Variants in SLC6A2 observed in about 807,000 individuals in gnomAD.
SLC6A2 encodes the protein sodium-dependent noradrenaline transporter.
SLC6A2 carries 26 observed loss-of-function variants against 71.7 expected under a neutral mutation model. The observed-to-expected ratio is 0.36, with a 90% CI of 0.27 to 0.50. The LOEUF is 0.50. Ranked by LOEUF, SLC6A2 falls within the 20% of genes least tolerant of loss-of-function variation. The pLI is 0.96. For missense variants in SLC6A2, 581 were observed against 803.9 expected, an observed-to-expected ratio of 0.72 and a Z score of 3.35; for synonymous variants, 363 against 337.9, an observed-to-expected ratio of 1.07 and a Z score of -0.82.
intron 2 of SLC6A2, among the ~76,000 whole-genome samples, chr16:55,662,052 G>C (rs1326283126): frequency 2.0e-5 from 3 of 152,186 alleles, no homozygotes; most frequent in African/African-American, 7.2e-5. Context: ...CCAGCCAGCT[G>C]GTGTGGCACT....
At chr16:55,664,448 G>T (rs137884073) in intron 2 of SLC6A2, among the ~76,000 whole-genome samples, 1 of 152,174 alleles carries the variant, frequency 6.6e-6, no homozygotes, top group Non-Finnish European at 1.5e-5. Flanking sequence ...GAGCACTGCC[G>T]CAGAGTCCTG....
chr16:55,702,316 T>C lies in SLC6A2; in HGVS notation c.1831-7T>C. 6.2e-7 allele frequency: 1 copy of C among 1,614,170 alleles called. No homozygotes were observed. Among genetic ancestry groups the C allele is most frequent in the Non-Finnish European group, 8.5e-7 (1 of 1,179,996 alleles). The stretch of plus-strand genomic sequence containing the variant: ...TGTCATCAAGTCCTCGCTGTCTTTC[T>C]CTGCAGTTGCAACACTGGCTGGCCA... On this transcript the variant is annotated splice_region_variant and splice_polypyrimidine_tract_variant and intron_variant, in intron 14 of 14. Transcript: ENST00000568943.
rs749260706 is a variant in SLC6A2 at position 55,656,606 on chromosome 16, C to G, written c.-51-38C>G. The G allele has an allele frequency of 6.4e-7, 1 of 1,557,324 alleles. No homozygotes were observed. The highest frequency in any genetic ancestry group is 2.2e-5 in the East Asian group (1 of 44,596). On this transcript the variant is annotated intron_variant, in intron 1 of 14. Coordinates refer to ENST00000568943, the MANE Select transcript of SLC6A2 (RefSeq NM_001172501.3). This position sits in a 1 kb window ranked among gnomAD's most constrained non-coding sequence, Gnocchi z 4.5. Reference sequence around the variant, plus strand: ...CTTGGGAGTTGCAAGTAGGGAGGAACGGCCGGGTAACCACCTCTTTTCCCT... The same window carrying G: ...CTTGGGAGTTGCAAGTAGGGAGGAAGGGCCGGGTAACCACCTCTTTTCCCT...
intron 4 of SLC6A2, among the ~76,000 whole-genome samples, chr16:55,677,889 G>A (rs1328690230): frequency 4.6e-5 from 7 of 152,068 alleles, no homozygotes; most frequent in Admixed American, 2.0e-4. Flanking sequence ...TTGAACTCCT[G>A]GGCTCAGGTG....
intron 2 of SLC6A2, among the ~76,000 whole-genome samples, chr16:55,658,608 A>G (rs1467537227): frequency 2.0e-5 from 3 of 152,128 alleles, no homozygotes; most frequent in Admixed American, 6.5e-5. Context: ...TTCCAACGAG[A>G]AAGTTAACCC....
intron 2 of SLC6A2, among the ~76,000 whole-genome samples, chr16:55,665,359 C>G (rs574197102): frequency 2.0e-5 from 3 of 152,034 alleles, no homozygotes; most frequent in Non-Finnish European, 4.4e-5. Flanking sequence ...GTTAGGGCAC[C>G]CTTGGGGTGT....
intron 4 of SLC6A2, among the ~76,000 whole-genome samples, chr16:55,674,011 T>C (rs2142521384): frequency 6.6e-6 from 1 of 152,366 alleles, no homozygotes; most frequent in East Asian, 1.9e-4. Flanking sequence ...ACTATTATTG[T>C]TGTTGTTATT....
At position 55,695,508 on chromosome 16, in the gene SLC6A2, G is replaced by T. The variant is rs111827042; in HGVS notation, c.1147+106G>T. On this transcript the variant is annotated intron_variant, in intron 8 of 14. Transcript: ENST00000568943. ...TCCGTGGCTGTAGGAATACTGGGTT[G>T]TCCATGGAGGTGTCCAAACCACCCA... The T allele has an allele frequency of 1.4e-3, 1,754 of 1,295,764 alleles. 18 individuals are homozygous for T. In the African/African-American group the frequency reaches 0.022, roughly 17 times the overall value. 80.3% of individuals were successfully genotyped at this position (1,295,764 alleles called of 1,614,324 possible).
At chr16:55,657,484 G>A (rs533034418) in intron 2 of SLC6A2, among the ~76,000 whole-genome samples, 3 of 152,258 alleles carry the variant, frequency 2.0e-5, no homozygotes, top group South Asian at 2.1e-4. Context: ...GGAATACTTC[G>A]GTTTTCTGAA....
rs1186366229 is a variant in SLC6A2, at chr16:55,705,979, A to G, written c.*3633A>G. On this transcript the variant is annotated 3_prime_UTR_variant, in exon 15 of 15. Coordinates refer to ENST00000568943, the MANE Select transcript of SLC6A2 (RefSeq NM_001172501.3). ...CTGTGGTCTTAGAAGCCACTGAAACATTGGTGAATGTGAAGTCACTTTTGG... is the reference window on the plus strand; with the variant it reads ...CTGTGGTCTTAGAAGCCACTGAAACGTTGGTGAATGTGAAGTCACTTTTGG... The G allele has an allele frequency of 6.6e-6, 1 of 152,250 alleles. No homozygotes were observed. Among genetic ancestry groups the G allele is most frequent in the Non-Finnish European group, 1.5e-5 (1 of 68,056 alleles). 9.4% of individuals were successfully genotyped at this position (152,250 alleles called of 1,614,324 possible).
Position 55,694,094 on chromosome 16 carries a change from T to G in SLC6A2, c.1003T>G (p.Phe335Val). The G allele has an allele frequency of 6.2e-7, 1 of 1,605,512 alleles. No homozygotes were observed. Residue 335 changes from phenylalanine (F) to valine (V), a missense_variant, in exon 7 of 15, where the codon TTT becomes GTT. By Grantham distance (50) the Phe-to-Val change is conservative. Around this residue, in one of 5 missense-constraint regions of SLC6A2, gnomAD observed 334 missense variants for 449.0 expected, o/e 0.74. Coordinates refer to ENST00000568943, the MANE Select transcript of SLC6A2 (RefSeq NM_001172501.3). ...VLIAFASYNK[F>V]DNNCYRDALL... ...GATTGCATTTGCCAGTTACAACAAA[T>G]TTGACAACAACTGTTACAGGTAAGA...
intron 9 of SLC6A2, among the ~76,000 whole-genome samples, chr16:55,697,356 A>C (rs1342141513): frequency 6.6e-6 from 1 of 152,132 alleles, no homozygotes; most frequent in East Asian, 1.9e-4. Context: ...TTGTCCTCAT[A>C]AGGAAGCAAT....
chr16:55,658,863 T>C (rs1964531849), intron 2 of SLC6A2, among the ~76,000 whole-genome samples: 1 of 152,152 alleles, frequency 6.6e-6, no homozygotes, highest in African/African-American at 2.4e-5. Context: ...GAGAAGCTAA[T>C]CCAGAGGTGA....
chr16:55,692,162 C>A (rs1965654132), intron 6 of SLC6A2, 110 bp downstream of exon 6: 1 of 1,275,382 alleles, frequency 7.8e-7, no homozygotes, highest in Non-Finnish European at 1.1e-6. Flanking sequence ...TGCAGTGTAG[C>A]CTTGGACAGG....
At chr16:55,698,780 A>G (rs1965879651) in intron 11 of SLC6A2, among the ~76,000 whole-genome samples, 1 of 152,342 alleles carries the variant, frequency 6.6e-6, no homozygotes, top group South Asian at 2.1e-4. Flanking sequence ...ATCAACTCCT[A>G]AAAGAGGAAC....
chr16:55,691,978 G>A lies in SLC6A2; in HGVS notation c.844G>A (p.Val282Ile), dbSNP rs372107270. The A allele has an allele frequency of 9.9e-6, 16 of 1,614,050 alleles. No individual in the cohort carries two copies. Among genetic ancestry groups the A allele is most frequent in the African/African-American group, 4.0e-5 (3 of 74,916 alleles). Residue 282 changes from valine to isoleucine, a missense_variant, in exon 6 of 15, where the codon GTC becomes ATC. Coordinates refer to ENST00000568943, the MANE Select transcript of SLC6A2 (RefSeq NM_001172501.3). ...FVLFVLLVHGVTLPGASNGIN... is the reference protein window; with the variant it reads ...FVLFVLLVHGITLPGASNGIN... ...GCTGTTCGTGCTCCTGGTCCATGGC[G>A]TCACGCTGCCCGGAGCCTCCAATGG...
At chr16:55,701,007 C>A (rs1965957015) in intron 13 of SLC6A2, among the ~76,000 whole-genome samples, 1 of 152,148 alleles carries the variant, frequency 6.6e-6, no homozygotes, top group Non-Finnish European at 1.5e-5. Context: ...CCTTACTTTA[C>A]AAAACAAAGA....
chr16:55,691,886 G>A lies in SLC6A2; in HGVS notation c.784-32G>A, dbSNP rs561110226. The A allele has an allele frequency of 7.3e-5, 118 of 1,613,570 alleles. 1 individual carries two copies. In the South Asian group the frequency reaches 1.1e-3, roughly 15 times the overall value. On this transcript the variant is annotated intron_variant, in intron 5 of 14. Transcript: ENST00000568943. ...CCCGCCACGGGATTGGGGCCAGAGC[G>A]AGGCTCTCACCTGAACTTATCCATT...
At position 55,705,337 on chromosome 16, in the gene SLC6A2, T is replaced by C; in HGVS notation, c.*2991T>C. On this transcript the variant is annotated 3_prime_UTR_variant, in exon 15 of 15. Coordinates refer to ENST00000568943, the MANE Select transcript of SLC6A2 (RefSeq NM_001172501.3). Reference sequence around the variant, plus strand: ...TACCGCTCAGCTGGGAGCCAGTTCCTGCTATATGATCTGTTTTCTAGCCTC... The same window carrying C: ...TACCGCTCAGCTGGGAGCCAGTTCCCGCTATATGATCTGTTTTCTAGCCTC... 8.9e-7 allele frequency: 1 copy of C among 1,122,414 alleles called. No homozygotes were observed. The highest frequency in any genetic ancestry group is 1.3e-6 in the Non-Finnish European group (1 of 780,986). The allele number at this position is 1,122,414 out of a possible 1,614,324, so 69.5% of individuals were successfully genotyped here.
Sources: allele counts gnomAD v4.1 joint callset (sites outside exome capture counted in the v4.1 genomes callset), GRCh38; gene constraint gnomAD v4.1.1; regional missense constraint gnomAD v4.1.1; non-coding constraint Gnocchi (gnomAD v3.1); transcripts MANE v1.5; gene names NCBI Gene and HGNC (gene_info 2026-07-23, HGNC 2026-07-21).